Variants in EIF2B3 observed in about 807,000 individuals in gnomAD.
The protein encoded by EIF2B3 is translation initiation factor eIF2B subunit gamma.
In EIF2B3, 20 loss-of-function variants were observed where a neutral mutation model predicts 54.1. That is an observed-to-expected ratio of 0.37 (90% CI 0.26 to 0.54). EIF2B3 has a LOEUF of 0.54. Ranked by LOEUF, EIF2B3 falls within the 20% of genes least tolerant of loss-of-function variation. EIF2B3 has a pLI of 0.86. For missense variants in EIF2B3, 448 were observed against 547.8 expected (o/e 0.82, Z 1.82); for synonymous variants, 153 against 188.1 (o/e 0.81, Z 1.52).
At chr1:44,928,596 T>A (rs1643873243) in intron 4 of EIF2B3, among the ~76,000 whole-genome samples, 1 of 151,976 alleles carries the variant, frequency 6.6e-6, no homozygotes, top group African/African-American at 2.4e-5. Context: ...TCATCCACAT[T>A]CAACCAACAT....
intron 4 of EIF2B3, among the ~76,000 whole-genome samples, chr1:44,933,560 G>T (rs1021913018): frequency 5.9e-5 from 9 of 152,102 alleles, no homozygotes; most frequent in African/African-American, 1.9e-4. Context: ...GATAGATAGG[G>T]TGAGGGGCTG....
At chr1:44,882,618 A>AT (rs747962035) in intron 6 of EIF2B3, among the ~76,000 whole-genome samples, 3,384 of 126,680 alleles carry the variant, frequency 0.027, 126 homozygotes, top group African/African-American at 0.088. Context: ...TGCCTGGCTA[A>AT]TTTTTTTTTT....
chr1:44,882,952 T>C (rs1179699406), intron 6 of EIF2B3, among the ~76,000 whole-genome samples: 3 of 121,694 alleles, frequency 2.5e-5, no homozygotes, highest in Non-Finnish European at 5.3e-5. Flanking sequence ...TTTTTTGAGA[T>C]GGAGTCTCGC....
chr1:44,854,163 C>T (rs1654367240), intron 11 of EIF2B3, among the ~76,000 whole-genome samples: 1 of 152,012 alleles, frequency 6.6e-6, no homozygotes, highest in Admixed American at 6.6e-5. Context: ...CCATCACACA[C>T]AGCTAATTTT....
At chr1:44,986,376 A>AG (rs1201679836) in intron 1 of EIF2B3, 117 bp downstream of exon 1, 2 of 152,234 alleles carry the variant, frequency 1.3e-5, no homozygotes, top group Non-Finnish European at 2.9e-5. Context: ...CGGGTCGAGC[A>AG]GGGAGTCGAG....
chr1:44,857,847 G>C, intron 10 of EIF2B3, 40 bp from the exon 11 acceptor site: 1 of 1,581,728 alleles, frequency 6.3e-7, no homozygotes, highest in Non-Finnish European at 8.7e-7. Flanking sequence ...CCCAAGGCTC[G>C]CATCACCATC....
At chr1:44,876,065 C>T (rs906305326) in intron 8 of EIF2B3, among the ~76,000 whole-genome samples, 13 of 152,242 alleles carry the variant, frequency 8.5e-5, no homozygotes, top group African/African-American at 2.2e-4. Flanking sequence ...GGATTGCAGA[C>T]GGAGTCTGGT....
chr1:44,964,168 C>A (rs1340901877), intron 3 of EIF2B3, among the ~76,000 whole-genome samples: 1 of 150,650 alleles, frequency 6.6e-6, no homozygotes, highest in East Asian at 1.9e-4. Flanking sequence ...TTTTTATATC[C>A]AACTCGTTTC....
intron 5 of EIF2B3, among the ~76,000 whole-genome samples, chr1:44,916,459 C>T (rs1378944501): frequency 6.6e-6 from 1 of 150,724 alleles, no homozygotes; most frequent in African/African-American, 2.4e-5. Flanking sequence ...AACTCCAGGG[C>T]TCAAGTGATC....
At chr1:44,855,559 T>C (rs867352289) in intron 11 of EIF2B3, among the ~76,000 whole-genome samples, 3 of 151,638 alleles carry the variant, frequency 2.0e-5, no homozygotes, top group African/African-American at 4.8e-5. Flanking sequence ...ACCTTGAGGA[T>C]CTTTTTTTTT....
chr1:44,866,412 A>G (rs186199986), intron 10 of EIF2B3, among the ~76,000 whole-genome samples: 12 of 149,888 alleles, frequency 8.0e-5, no homozygotes, highest in Admixed American at 6.7e-4. Context: ...AAAAAAAAAC[A>G]AACAAAACTA....
chr1:44,852,207 G>T (rs1355303675), intron 11 of EIF2B3, among the ~76,000 whole-genome samples: 2 of 146,872 alleles, frequency 1.4e-5, no homozygotes, highest in African/African-American at 5.1e-5. Context: ...CAAGTGATCT[G>T]CCCTGCCTTG....
intron 8 of EIF2B3, among the ~76,000 whole-genome samples, chr1:44,877,408 C>A (rs1035790718): frequency 1.3e-5 from 2 of 152,082 alleles, no homozygotes; most frequent in African/African-American, 4.8e-5. Flanking sequence ...GAAAGTAATG[C>A]CATGTCCCTT....
Position 44,850,581 on chromosome 1 carries a change from T to C in EIF2B3, c.*370A>G, listed in dbSNP as rs1232617996. On this transcript the variant is annotated 3_prime_UTR_variant, in exon 12 of 12. Transcript: ENST00000360403. ...TGATTAGGATAAGGGACTGAAGTAC[T>C]CCCAGGTCCTTTTAGGTGAGGGATA... 4 of 319,400 alleles carry C rather than the reference T, an allele frequency of 1.3e-5. No individual in the cohort carries two copies. Among genetic ancestry groups the C allele is most frequent in the Non-Finnish European group, 2.4e-5 (4 of 168,776 alleles). 19.8% of individuals were successfully genotyped at this position (319,400 alleles called of 1,614,324 possible).
intron 4 of EIF2B3, among the ~76,000 whole-genome samples, chr1:44,940,964 G>A (rs1644014554): frequency 6.7e-6 from 1 of 150,140 alleles, no homozygotes. Context: ...TCGGCTCACT[G>A]CAACCTCCCC....
At chr1:44,969,693 C>T (rs1036667341) in intron 3 of EIF2B3, among the ~76,000 whole-genome samples, 1 of 152,072 alleles carries the variant, frequency 6.6e-6, no homozygotes, top group Non-Finnish European at 1.5e-5. Flanking sequence ...ACTGTTGATG[C>T]TGGGTGACAG....
rs529374377 is a variant in EIF2B3, at chr1:44,941,521, C to T, written c.439G>A (p.Gly147Arg). 5.7e-6 allele frequency: 9 copies of T among 1,591,414 alleles called. No individual in the cohort carries two copies. Among genetic ancestry groups the T allele is most frequent in the Admixed American group, 3.7e-5 (2 of 54,008 alleles). Residue 147 changes from glycine to arginine, a missense_variant, in exon 4 of 12, where the codon GGG becomes AGG. By Grantham distance (125) the Gly-to-Arg change is moderately radical. Coordinates refer to ENST00000360403, the MANE Select transcript of EIF2B3 (RefSeq NM_020365.5). Reference sequence around the variant, plus strand: ...TCTTCCTTACCTGCTTTTTTTTTCCCCTTTTGACCGGGAACAGGTTCTATG... The same window carrying T: ...TCTTCCTTACCTGCTTTTTTTTTCCTCTTTTGACCGGGAACAGGTTCTATG... ...DSIEPVPGQK[G>R]KKKAVEQRDF... is the part of the protein sequence containing the mutation.
intron 2 of EIF2B3, among the ~76,000 whole-genome samples, chr1:44,980,774 T>C (rs1038599482): frequency 9.2e-5 from 14 of 152,106 alleles, no homozygotes; most frequent in African/African-American, 3.1e-4. Context: ...CTCAATCTGC[T>C]CTTTCTGATA....
chr1:44,876,470 A>C (rs1469272272), intron 8 of EIF2B3, among the ~76,000 whole-genome samples: 6 of 120,082 alleles, frequency 5.0e-5, no homozygotes, highest in Non-Finnish European at 7.0e-5. Context: ...TCTGCCTGGC[A>C]GCCGCCCCGT....
Sources: gnomAD v4.1 joint callset for allele counts (sites outside exome capture counted in the v4.1 genomes callset) on GRCh38, gnomAD v4.1.1 for gene constraint, MANE v1.5 for transcripts, NCBI Gene and HGNC (gene_info 2026-07-23, HGNC 2026-07-21) for gene names.